Variants in CDC42SE2 observed in about 807,000 individuals in gnomAD.
CDC42SE2 encodes CDC42 small effector protein 2.
CDC42SE2 carries 3 observed loss-of-function variants against 11.5 expected under a neutral mutation model. The observed-to-expected ratio is 0.26, with a 90% confidence interval of 0.12 to 0.67. CDC42SE2 has a LOEUF of 0.67. Among genes scored for constraint, CDC42SE2 ranks in the 30% least tolerant of loss-of-function variants. The probability of loss-of-function intolerance (pLI) is 0.80; values close to 1 mark genes in which losing one functional copy is unlikely to be tolerated. For synonymous variants in CDC42SE2, 33 were observed against 34.8 expected (o/e 0.95, Z 0.18); for missense variants, 82 against 106.8 (o/e 0.77, Z 1.02).
At chr5:131,373,823 G>A (rs1056446355) in intron 3 of CDC42SE2, among the ~76,000 whole-genome samples, 1 of 152,016 alleles carries the variant, frequency 6.6e-6, no homozygotes, top group African/African-American at 2.4e-5. Context: ...GGAACAAATC[G>A]ATAACAAGAA....
intron 2 of CDC42SE2, among the ~76,000 whole-genome samples, chr5:131,330,139 G>A (rs992010714): frequency 6.6e-6 from 1 of 152,188 alleles, no homozygotes; most frequent in East Asian, 1.9e-4. Flanking sequence ...TTACACGTCC[G>A]GTGATTTGGC....
chr5:131,272,022 G>A (rs530089101), intron 1 of CDC42SE2, among the ~76,000 whole-genome samples: 2 of 149,312 alleles, frequency 1.3e-5, no homozygotes, highest in East Asian at 3.9e-4. Flanking sequence ...TTTTGTTTTC[G>A]CTTTTTGAGA....
chr5:131,314,407 A>T (rs778123350), intron 1 of CDC42SE2, among the ~76,000 whole-genome samples: 16 of 151,332 alleles, frequency 1.1e-4, no homozygotes, highest in African/African-American at 3.9e-4. Context: ...AACTTAAAAC[A>T]TTTTTTTTGT....
chr5:131,302,337 G>A (rs6868645), intron 1 of CDC42SE2, among the ~76,000 whole-genome samples: 18,632 of 152,102 alleles, frequency 0.12, 2,643 homozygotes, highest in African/African-American at 0.35. Flanking sequence ...GCACCACCAC[G>A]CCTGGCTATT....
Position 131,368,234 on chromosome 5 carries a change from T to C in CDC42SE2, c.54+8687T>C, listed in dbSNP as rs1157827479. 1.7e-3 allele frequency among the ~76,000 whole-genome samples: 177 copies of C among 106,302 alleles called. 1 individual carries two copies. The highest frequency in any genetic ancestry group is 6.6e-3 in the African/African-American group (169 of 25,636). The allele number at this position is 106,302 out of a possible 152,430, so 69.7% of individuals were successfully genotyped here. A position where few individuals can be genotyped will look rare whatever the true frequency, so the allele number is the denominator to read the frequency against. ...CGCCACTGCACTCCAGCCTGGGCAA[T>C]AGAGTGAGACTCCATCTCAAAAAAA... On this transcript the variant is annotated intron_variant, in intron 3 of 4. Coordinates refer to ENST00000505065, the MANE Select transcript of CDC42SE2 (RefSeq NM_001375635.1).
intron 2 of CDC42SE2, among the ~76,000 whole-genome samples, chr5:131,256,603 C>A (rs1268016317): frequency 6.6e-6 from 1 of 152,192 alleles, no homozygotes; most frequent in African/African-American, 2.4e-5. Flanking sequence ...GGGGGAGAAT[C>A]TGCTCCCAAG....
At chr5:131,290,426 T>C (rs574544975) in intron 1 of CDC42SE2, among the ~76,000 whole-genome samples, 125 of 152,216 alleles carry the variant, frequency 8.2e-4, no homozygotes, top group African/African-American at 2.8e-3. Context: ...TAATTTTACC[T>C]TGAAAGTTTT....
rs528344684 is a variant in CDC42SE2 at position 131,319,402 on chromosome 5, G to A, written c.-286+3258G>A. Among the ~76,000 whole-genome samples the A allele has an allele frequency of 1.6e-4, 24 of 152,172 alleles. 1 individual carries two copies. The highest frequency in any genetic ancestry group is 5.3e-4 in the African/African-American group (22 of 41,522). On this transcript the variant is annotated intron_variant, in intron 2 of 4. Transcript: ENST00000505065. ...CTGCCTCTGTGAAGAAATTTTCTTG[G>A]TCTTCTCAACAAGGATAAATTTATA...
At chr5:131,299,809 A>G (rs1757644874) in intron 1 of CDC42SE2, among the ~76,000 whole-genome samples, 1 of 152,188 alleles carries the variant, frequency 6.6e-6, no homozygotes, top group Non-Finnish European at 1.5e-5. Context: ...AGGGCATAGG[A>G]CAAAACCCTT....
chr5:131,388,363 T>G (rs561864900), intron 4 of CDC42SE2, among the ~76,000 whole-genome samples: 10 of 152,320 alleles, frequency 6.6e-5, no homozygotes, highest in Admixed American at 6.5e-4. Flanking sequence ...AGAAAAATTA[T>G]GTTCTCCTAT....
chr5:131,221,855 T>C, the CDC42SE2 span, among the ~76,000 whole-genome samples: 5 of 152,240 alleles, frequency 3.3e-5, no homozygotes, highest in Non-Finnish European at 5.9e-5. Context: ...TCCCATTAGC[T>C]CTTTTCCATA....
At chr5:131,235,974 T>C in the CDC42SE2 span, among the ~76,000 whole-genome samples, 8 of 152,236 alleles carry the variant, frequency 5.3e-5, no homozygotes, top group Non-Finnish European at 1.0e-4. Context: ...ATCACACTTA[T>C]TATGACTTAA....
At chr5:131,229,712 T>A in the CDC42SE2 span, among the ~76,000 whole-genome samples, 1 of 152,142 alleles carries the variant, frequency 6.6e-6, no homozygotes, top group Non-Finnish European at 1.5e-5. Flanking sequence ...GGTGAGTGGA[T>A]CTCCTGAGCC....
the CDC42SE2 span, among the ~76,000 whole-genome samples, chr5:131,213,900 T>C: frequency 2.6e-5 from 4 of 152,168 alleles, no homozygotes; most frequent in Admixed American, 1.3e-4. Flanking sequence ...TATAATCTTT[T>C]CCCCAATTTC....
chr5:131,227,017 A>G, the CDC42SE2 span, among the ~76,000 whole-genome samples: 1 of 152,242 alleles, frequency 6.6e-6, no homozygotes, highest in Non-Finnish European at 1.5e-5. Context: ...GCATAAATAT[A>G]AAATAAAGAA....
chr5:131,293,299 C>T (rs1284677826), intron 1 of CDC42SE2, among the ~76,000 whole-genome samples: 4 of 151,592 alleles, frequency 2.6e-5, no homozygotes, highest in Non-Finnish European at 4.4e-5. Flanking sequence ...CAGCCGGGCA[C>T]GGTGGCTCAC....
chr5:131,278,708 T>TCCTCTCCCCTCC, intron 1 of CDC42SE2, among the ~76,000 whole-genome samples: 1 of 59,010 alleles, frequency 1.7e-5, no homozygotes, highest in Non-Finnish European at 3.4e-5. Context: ...TCCTTTCCTT[T>TCCTCTCCCCTCC]CCTCTCCCCT....
chr5:131,286,644 C>T (rs947042152), intron 1 of CDC42SE2, among the ~76,000 whole-genome samples: 1 of 151,908 alleles, frequency 6.6e-6, no homozygotes, highest in East Asian at 1.9e-4. Flanking sequence ...ACCAACCCCT[C>T]CTTTTCCTCC....
chr5:131,243,509 C>T (rs1294770151), upstream of CDC42SE2, among the ~76,000 whole-genome samples: 1 of 152,168 alleles, frequency 6.6e-6, no homozygotes, highest in African/African-American at 2.4e-5. Flanking sequence ...AGGCATGAAC[C>T]CGGAAGGTGG....
Sources: allele counts gnomAD v4.1 joint callset (sites outside exome capture counted in the v4.1 genomes callset), GRCh38; gene constraint gnomAD v4.1.1; transcripts MANE v1.5; gene names NCBI Gene and HGNC (gene_info 2026-07-23, HGNC 2026-07-21).